The following BLTP3A variants were observed in gnomAD, a reference collection of about 807,000 sequenced individuals.
The protein encoded by BLTP3A is bridge-like lipid transfer protein family member 3A, also known as ICBP90 binding protein 1.
chr6:34,870,374 G>A, the BLTP3A span, among the ~76,000 whole-genome samples: 1 of 152,146 alleles, frequency 6.6e-6, no homozygotes, highest in African/African-American at 2.4e-5. Context: ...TGTGTAAGTT[G>A]TTCCACAGGA....
chr6:34,807,149 A>G, the BLTP3A span, among the ~76,000 whole-genome samples: 73 of 152,336 alleles, frequency 4.8e-4, no homozygotes, highest in African/African-American at 1.6e-3. Flanking sequence ...GGGAATGGTC[A>G]AGAAGCGGAA....
the BLTP3A span, among the ~76,000 whole-genome samples, chr6:34,802,302 G>A: frequency 6.6e-6 from 1 of 151,662 alleles, no homozygotes; most frequent in East Asian, 1.9e-4. Flanking sequence ...GCCTCCCGGG[G>A]TTCAAGCAAT....
the BLTP3A span, among the ~76,000 whole-genome samples, chr6:34,806,698 G>T: frequency 2.0e-5 from 3 of 152,128 alleles, no homozygotes; most frequent in Admixed American, 6.5e-5. Context: ...GTTTTGCTCT[G>T]TTACCCAGGC....
chr6:34,835,580 G>T, the BLTP3A span: 4 of 1,160,860 alleles, frequency 3.4e-6, no homozygotes, highest in South Asian at 1.6e-5. Context: ...TTTACTTCTG[G>T]GTATTCATAG....
the BLTP3A span, among the ~76,000 whole-genome samples, chr6:34,837,537 G>A: frequency 6.6e-6 from 1 of 152,062 alleles, no homozygotes; most frequent in Admixed American, 6.6e-5. Context: ...AATTAGCCAG[G>A]TGTGGTGGTG....
chr6:34,836,753 C>A, the BLTP3A span, among the ~76,000 whole-genome samples: 1 of 152,136 alleles, frequency 6.6e-6, no homozygotes, highest in Admixed American at 6.5e-5. Flanking sequence ...CTATAGAAAA[C>A]CTCAGAATTT....
the BLTP3A span, among the ~76,000 whole-genome samples, chr6:34,803,703 A>G: frequency 5.3e-5 from 8 of 152,124 alleles, no homozygotes; most frequent in African/African-American, 1.4e-4. Flanking sequence ...TGTTTTTCCA[A>G]AATGATTTCT....
At chr6:34,826,653 T>A in the BLTP3A span, among the ~76,000 whole-genome samples, 25 of 152,316 alleles carry the variant, frequency 1.6e-4, no homozygotes, top group Middle Eastern at 3.4e-3. Flanking sequence ...CGACTGTGCC[T>A]GGCTTTACAT....
chr6:34,829,322 A>G, the BLTP3A span, among the ~76,000 whole-genome samples: 1 of 152,184 alleles, frequency 6.6e-6, no homozygotes, highest in Non-Finnish European at 1.5e-5. Context: ...CTGAACATTT[A>G]TATAAATGAA....
chr6:34,839,698 C>T, the BLTP3A span, among the ~76,000 whole-genome samples: 1 of 152,198 alleles, frequency 6.6e-6, no homozygotes, highest in Non-Finnish European at 1.5e-5. Context: ...TTTAGCAGCT[C>T]TCTCATCAAC....
chr6:34,873,514 A>C, the BLTP3A span: 1 of 152,178 alleles, frequency 6.6e-6, no homozygotes, highest in Non-Finnish European at 1.5e-5. Flanking sequence ...CAAGTGAAAA[A>C]AACACAAAAA....
chr6:34,809,225 T>C, the BLTP3A span, among the ~76,000 whole-genome samples: 1,719 of 152,158 alleles, frequency 0.011, 12 homozygotes, highest in Non-Finnish European at 0.016. Flanking sequence ...AAACCCTGTC[T>C]CTACAAAAAA....
the BLTP3A span, among the ~76,000 whole-genome samples, chr6:34,839,541 CA>C: frequency 1.8e-4 from 28 of 152,302 alleles, no homozygotes; most frequent in African/African-American, 6.7e-4. Context: ...GTGTCAGGTC[CA>C]TGACTATGCC....
the BLTP3A span, among the ~76,000 whole-genome samples, chr6:34,841,639 G>A: frequency 1.3e-5 from 2 of 152,154 alleles, no homozygotes; most frequent in Admixed American, 1.3e-4. Flanking sequence ...CCTGGATGTT[G>A]GAACTGCTGA....
the BLTP3A span, among the ~76,000 whole-genome samples, chr6:34,839,718 G>T: frequency 1.3e-5 from 2 of 152,200 alleles, no homozygotes; most frequent in African/African-American, 4.8e-5. Flanking sequence ...CAGCTCTCTC[G>T]CACTGGCCCG....
chr6:34,816,929 T>A, the BLTP3A span, among the ~76,000 whole-genome samples: 2 of 152,230 alleles, frequency 1.3e-5, no homozygotes, highest in Non-Finnish European at 2.9e-5. Flanking sequence ...ATGGCTTCCC[T>A]GGACCACTTA....
the BLTP3A span, among the ~76,000 whole-genome samples, chr6:34,835,073 G>A: frequency 6.6e-6 from 1 of 151,978 alleles, no homozygotes; most frequent in Non-Finnish European, 1.5e-5. Context: ...ATTTTTACTC[G>A]TATGTAGGGA....
At chr6:34,833,919 TCAAAAAAA>T in the BLTP3A span, among the ~76,000 whole-genome samples, 1 of 43,014 alleles carries the variant, frequency 2.3e-5, no homozygotes, top group African/African-American at 1.7e-4. Flanking sequence ...AGACTCCGTC[TCAAAAAAA>T]AAAAAAAAAA....
the BLTP3A span, chr6:34,855,628 A>G: frequency 6.2e-7 from 1 of 1,613,684 alleles, no homozygotes; most frequent in Non-Finnish European, 8.5e-7. Context: ...TGTCTCTGCC[A>G]ACAGACTCAT....
Sources: gnomAD v4.1 joint callset for allele counts (sites outside exome capture counted in the v4.1 genomes callset) on GRCh38, gnomAD v4.1.1 for gene constraint, MANE v1.5 for transcripts, NCBI Gene and HGNC (gene_info 2026-07-23, HGNC 2026-07-21) for gene names.